The following RAB5C variants were observed in gnomAD, a reference collection of about 807,000 sequenced individuals.
The protein encoded by RAB5C is ras-related protein Rab-5C.
RAB5C carries 4 observed loss-of-function variants against 25.2 expected under a neutral mutation model. That is an observed-to-expected ratio of 0.16 (90% CI 0.08 to 0.36). The LOEUF is 0.36. Among genes scored for constraint, RAB5C ranks in the 10% least tolerant of loss-of-function variants. RAB5C has a pLI of 1.00. For missense variants in RAB5C, 199 were observed against 283.8 expected, an observed-to-expected ratio of 0.70 and a Z score of 2.15; for synonymous variants, 100 against 106.4, an observed-to-expected ratio of 0.94 and a Z score of 0.37.
chr17:42,148,762 G>C (rs1461193390), intron 1 of RAB5C, among the ~76,000 whole-genome samples: 2 of 152,236 alleles, frequency 1.3e-5, no homozygotes, highest in African/African-American at 4.8e-5. Context: ...GTGAGGTGCA[G>C]AAGAGCCTTC....
At position 42,146,978 on chromosome 17, in the gene RAB5C, C is replaced by A. The variant is rs1187485343; in HGVS notation, c.-89+7915G>T. Among the ~76,000 whole-genome samples, 3 of 148,868 alleles carry A rather than the reference C, an allele frequency of 2.0e-5. No individual in the cohort carries two copies. In the South Asian group the frequency reaches 6.4e-4, roughly 32 times the overall value. On this transcript the variant is annotated intron_variant, in intron 1 of 5. Transcript: ENST00000346213. ...TCGTACCACTGCACTCCAGCCTGGG[C>A]GACAAGGCAAGACTTCGTCAAGAAA...
chr17:42,135,231 G>C (rs1401459233), intron 1 of RAB5C, among the ~76,000 whole-genome samples: 1 of 150,884 alleles, frequency 6.6e-6, no homozygotes, highest in Non-Finnish European at 1.5e-5. Flanking sequence ...CTCCAAAAGT[G>C]CTGGGATTAC....
intron 4 of RAB5C, 41 bp from the exon 5 acceptor site, chr17:42,126,889 T>G (rs750091033): frequency 4.5e-6 from 6 of 1,339,312 alleles, no homozygotes; most frequent in Non-Finnish European, 5.4e-6. Context: ...AGGGAAATGT[T>G]GGCAGGGGCC....
intron 1 of RAB5C, among the ~76,000 whole-genome samples, chr17:42,138,135 A>G (rs1175313953): frequency 1.3e-5 from 2 of 152,152 alleles, no homozygotes. Context: ...CGATGGGGAG[A>G]AAGAGGTTAT....
At chr17:42,152,439 G>A (rs1377900291) in intron 1 of RAB5C, among the ~76,000 whole-genome samples, 1 of 152,062 alleles carries the variant, frequency 6.6e-6, no homozygotes, top group Non-Finnish European at 1.5e-5. Flanking sequence ...ACGACCCAAA[G>A]CACTGGGGCC....
intron 1 of RAB5C, among the ~76,000 whole-genome samples, chr17:42,131,111 G>A (rs2054481176): frequency 6.6e-6 from 1 of 152,152 alleles, no homozygotes; most frequent in Non-Finnish European, 1.5e-5. Context: ...AAGGTGCTTG[G>A]CCAACCTCAT....
chr17:42,154,718 A>C (rs1038399879), intron 1 of RAB5C, 175 bp downstream of exon 1: 2 of 152,340 alleles, frequency 1.3e-5, no homozygotes, highest in African/African-American at 4.8e-5. Context: ...AGGTAAGCTA[A>C]GGAAAGAAGC....
intron 1 of RAB5C, among the ~76,000 whole-genome samples, chr17:42,140,273 C>T (rs2054579053): frequency 6.6e-6 from 1 of 151,938 alleles, no homozygotes; most frequent in Admixed American, 6.6e-5. Context: ...CTTTGTTTTG[C>T]CTTCAGCTCC....
intron 1 of RAB5C, among the ~76,000 whole-genome samples, chr17:42,138,727 A>G (rs1280424870): frequency 6.6e-6 from 1 of 152,204 alleles, no homozygotes; most frequent in Non-Finnish European, 1.5e-5. Flanking sequence ...CAACTCCACC[A>G]ATACCTGCAA....
At chr17:42,142,007 T>C (rs7214921) in intron 1 of RAB5C, among the ~76,000 whole-genome samples, 54,258 of 151,812 alleles carry the variant, frequency 0.36, 13,164 homozygotes, top group African/African-American at 0.69. Flanking sequence ...ACGTCTTTCC[T>C]CAGTTTCCTA....
At position 42,139,039 on chromosome 17, in the gene RAB5C, T is replaced by C. The variant is rs191681635; in HGVS notation, c.-88-8449A>G. ...CCCTGAGCTTCTTCCCAGCTCTCAA[T>C]GACAGATGGGTTCTCTGGAGAGGCT... On this transcript the variant is annotated intron_variant, in intron 1 of 5. Coordinates refer to ENST00000346213, the MANE Select transcript of RAB5C (RefSeq NM_004583.4). 3.9e-5 allele frequency among the ~76,000 whole-genome samples: 6 copies of C among 152,326 alleles called. No homozygotes were observed. The East Asian group carries it at 9.6e-4, about 24-fold the overall frequency.
chr17:42,134,752 GA>G (rs776074659), intron 1 of RAB5C, among the ~76,000 whole-genome samples: 1 of 152,178 alleles, frequency 6.6e-6, no homozygotes, highest in Non-Finnish European at 1.5e-5. Flanking sequence ...AAAGGGGAGA[GA>G]ATGTATAAGG....
chr17:42,125,743 C>CAGGCGGAGG lies in RAB5C; in HGVS notation c.*31_*39dup, dbSNP rs782814337. 4.9e-6 allele frequency: 7 copies of CAGGCGGAGG among 1,436,378 alleles called. No homozygotes were observed. The highest frequency in any genetic ancestry group is 6.7e-6 in the Non-Finnish European group (7 of 1,047,066). The allele number at this position is 1,436,378 out of a possible 1,614,324, so 89.0% of individuals were successfully genotyped here. ...TAGAGTGGATTCCAGTCGGGTCATT[C>CAGGCGGAGG]AGGCGGAGGAGGCGGGGGCAGCGGG... On this transcript the variant is annotated 3_prime_UTR_variant, in exon 6 of 6. Transcript: ENST00000346213.
Position 42,128,713 on chromosome 17 carries a change from C to T in RAB5C, c.254G>A (p.Ser85Asn). The T allele has an allele frequency of 6.3e-7, 1 of 1,580,058 alleles. No homozygotes were observed. The highest frequency in any genetic ancestry group is 8.6e-7 in the Non-Finnish European group (1 of 1,164,286). The change falls in exon 3 of 6, where the codon AGC becomes AAC. Residue 85 changes from serine (S) to asparagine (N), a missense_variant. By Grantham distance (46) the Ser-to-Asn change is conservative. Transcript: ENST00000346213. Reference sequence around the variant, plus strand: ...CCCCCGATAGTACATGGGGGCCAGGCTGTGATACCGCTCCTGTCCAGCTGT... The same window carrying T: ...CCCCCGATAGTACATGGGGGCCAGGTTGTGATACCGCTCCTGTCCAGCTGT... ...WDTAGQERYH[S>N]LAPMYYRGAQ...
chr17:42,126,702 A>C (rs1270728784), intron 5 of RAB5C, 53 bp downstream of exon 5: 9 of 1,114,816 alleles, frequency 8.1e-6, no homozygotes, highest in Middle Eastern at 2.4e-4. Flanking sequence ...ACCAGCAGAC[A>C]GGTGATATGC....
chr17:42,153,056 G>A (rs1006346524), intron 1 of RAB5C, among the ~76,000 whole-genome samples: 14 of 152,200 alleles, frequency 9.2e-5, no homozygotes. Flanking sequence ...AACCCACACA[G>A]ATACAGAGCC....
In RAB5C at chr17:42,128,681, C is replaced by T; in HGVS notation, c.286G>A (p.Ala96Thr). 6.6e-7 allele frequency: 1 copy of T among 1,508,534 alleles called. No homozygotes were observed. The highest frequency in any genetic ancestry group is 8.8e-7 in the Non-Finnish European group (1 of 1,130,538). 93.4% of individuals were successfully genotyped at this position (1,508,534 alleles called of 1,614,324 possible). A position where few individuals can be genotyped will look rare whatever the true frequency, so the allele number is the denominator to read the frequency against. Residue 96 changes from alanine to threonine, a missense_variant, in exon 3 of 6, where the codon GCT (alanine) becomes ACT (threonine). Ala to Thr is a moderately conservative substitution (Grantham distance 58, BLOSUM62 0). Around this residue, in one of 3 missense-constraint regions of RAB5C, gnomAD observed 154 missense variants for 199.6 expected, o/e 0.77. Coordinates refer to ENST00000346213, the MANE Select transcript of RAB5C (RefSeq NM_004583.4). ...GTGATGTCATAGACCACGATGGCAG[C>T]CTGGGCCCCCCGATAGTACATGGGG... ...LAPMYYRGAQAAIVVYDITNT... is the reference protein window; with the variant it reads ...LAPMYYRGAQTAIVVYDITNT...
At chr17:42,127,429 A>T (rs559805817) in intron 4 of RAB5C, among the ~76,000 whole-genome samples, 3 of 152,372 alleles carry the variant, frequency 2.0e-5, no homozygotes, top group Admixed American at 1.3e-4. Flanking sequence ...TTACAAGAAA[A>T]GAGAAGTAGA....
intron 1 of RAB5C, chr17:42,136,140 A>G (rs1198163623): frequency 6.6e-6 from 1 of 152,234 alleles, no homozygotes; most frequent in African/African-American, 2.4e-5. Flanking sequence ...AAAATGGAGC[A>G]AGAGACACAG....
Sources: allele counts gnomAD v4.1 joint callset (sites outside exome capture counted in the v4.1 genomes callset), GRCh38; gene constraint gnomAD v4.1.1; regional missense constraint gnomAD v4.1.1; transcripts MANE v1.5; gene names NCBI Gene and HGNC (gene_info 2026-07-23, HGNC 2026-07-21).